Variants in LRWD1 observed in about 807,000 individuals in gnomAD.
The protein encoded by LRWD1 is leucine-rich repeat and WD repeat-containing protein 1.
A neutral mutation model predicts 75.6 loss-of-function variants in LRWD1; 76 were observed. The ratio of observed to expected loss-of-function variants is 1.01; its 90% CI spans 0.84 to 1.22. LRWD1 has a LOEUF of 1.22. LRWD1 is among the 50% of genes most tolerant of loss of function. The pLI, the probability that LRWD1 is intolerant of heterozygous loss-of-function variation, is 0.00. For synonymous variants in LRWD1, 487 were observed against 377.0 expected (o/e 1.29, Z -3.38); for missense variants, 917 against 862.0 (o/e 1.06, Z -0.80).
intron 3 of LRWD1, among the ~76,000 whole-genome samples, chr7:102,466,517 T>G (rs1011306381): frequency 2.6e-5 from 4 of 152,090 alleles, no homozygotes; most frequent in Non-Finnish European, 5.9e-5. Context: ...CAGGTTCAAG[T>G]GATTTTCCTG....
Position 102,468,855 on chromosome 7 carries a change from G to T in LRWD1, c.1021G>T (p.Glu341Ter). The change falls in exon 9 of 15, where the codon GAG (glutamate) becomes TAG (stop). Residue 341 changes from glutamate to a stop codon, truncating the protein, a stop_gained and splice_region_variant. Coordinates refer to ENST00000292616, the MANE Select transcript of LRWD1 (RefSeq NM_152892.3). LOFTEE classifies it high-confidence loss of function. ...ACTGTTTACTCTAACCCCCGCCCAG[G>T]AGTTCTTTTCTGTGGCCTGGACCGC... The part of the protein sequence containing the change: ...VLHKYKAPGE[E>*]FFSVAWTALM... 1 of 1,610,342 alleles carries T rather than the reference G, an allele frequency of 6.2e-7. No homozygotes were observed. Among genetic ancestry groups the T allele is most frequent in the Non-Finnish European group, 8.5e-7 (1 of 1,179,232 alleles).
Position 102,467,499 on chromosome 7 carries a change from T to C in LRWD1, c.573+20T>C. On this transcript the variant is annotated intron_variant, in intron 4 of 14. Coordinates refer to ENST00000292616, the MANE Select transcript of LRWD1 (RefSeq NM_152892.3). The stretch of plus-strand genomic sequence containing the variant: ...TGGCGGGTATGTCCCTGTCCCAATG[T>C]GCAGGGAGTCACTGGCTCTCGTATC... 6.2e-7 allele frequency: 1 copy of C among 1,609,612 alleles called. No individual in the cohort carries two copies. The highest frequency in any genetic ancestry group is 8.5e-7 in the Non-Finnish European group (1 of 1,178,590).
At chr7:102,468,529 C>G in intron 7 of LRWD1, 25 bp from the exon 8 acceptor site, 1 of 1,555,648 alleles carries the variant, frequency 6.4e-7, no homozygotes, top group African/African-American at 1.4e-5. Flanking sequence ...TCTGCTCATC[C>G]GACCTCTCAA....
rs1432121669 is a variant in LRWD1, at chr7:102,472,684, C to A, written c.1691-8C>A. On this transcript the variant is annotated splice_region_variant and splice_polypyrimidine_tract_variant and intron_variant, in intron 13 of 14. Transcript: ENST00000292616. ...GCCCCCACTCAGACTCCACCTCTGT[C>A]CCGGCAGATAAGGGGATTGTGCTCT... The A allele has an allele frequency of 1.9e-6, 3 of 1,613,306 alleles. No homozygotes were observed. The highest frequency in any genetic ancestry group is 2.5e-6 in the Non-Finnish European group (3 of 1,179,922).
Position 102,469,766 on chromosome 7 carries a change from C to A in LRWD1, c.1326C>A (p.Thr442=). 1 of 1,609,830 alleles carries A rather than the reference C, an allele frequency of 6.2e-7. No individual in the cohort carries two copies. The highest frequency in any genetic ancestry group is 1.3e-5 in the African/African-American group (1 of 75,006). Reference sequence around the variant, plus strand: ...GCCAGCTGCTCACACTGGACACCACCTCTATCCCCCTGCGCCTCTGCCCTG... The same window carrying A: ...GCCAGCTGCTCACACTGGACACCACATCTATCCCCCTGCGCCTCTGCCCTG... ...QASQLLTLDT[T]SIPLRLCPVA... is the part of the protein sequence containing the mutation. Residue 442 remains threonine (T), a synonymous_variant, in exon 11 of 15, where the codon ACC becomes ACA. Transcript: ENST00000292616.
intron 3 of LRWD1, 114 bp from the exon 4 acceptor site, chr7:102,467,225 C>T (rs1160116929): frequency 2.4e-6 from 2 of 821,728 alleles, no homozygotes; most frequent in Admixed American, 2.6e-5. Context: ...TTTTATGAGG[C>T]TGTGATTCCA....
chr7:102,468,598 T>C lies in LRWD1; in HGVS notation c.964T>C (p.Cys322Arg), dbSNP rs572894856. Residue 322 changes from cysteine to arginine, a missense_variant, in exon 8 of 15, where the codon TGC becomes CGC. By Grantham distance (180) the Cys-to-Arg change is radical. Coordinates refer to ENST00000292616, the MANE Select transcript of LRWD1 (RefSeq NM_152892.3). ...TVATCGGEAVCVIDCQTGIVL... is the reference protein window; with the variant it reads ...TVATCGGEAVRVIDCQTGIVL... The stretch of plus-strand genomic sequence containing the variant: ...GGCCACGTGCGGCGGGGAGGCTGTG[T>C]GCGTAATTGATTGCCAGACGGGCAT... 3 of 1,578,050 alleles carry C rather than the reference T, an allele frequency of 1.9e-6. No individual in the cohort carries two copies. The South Asian group carries it at 3.5e-5, about 18-fold the overall frequency.
rs1161291358 is a variant in LRWD1, at chr7:102,469,658, G to A, written c.1301+12G>A. ...GAATTCCAGGCCAGGTGATGCTTCG[G>A]GTGAGGCTGGGGAGTGGCCAGCTGC... On this transcript the variant is annotated intron_variant, in intron 10 of 14. Coordinates refer to ENST00000292616, the MANE Select transcript of LRWD1 (RefSeq NM_152892.3). The A allele has an allele frequency of 1.2e-6, 2 of 1,614,068 alleles. No individual in the cohort carries two copies. Among genetic ancestry groups the A allele is most frequent in the South Asian group, 1.1e-5 (1 of 91,092 alleles).
intron 1 of LRWD1, chr7:102,465,434 A>T (rs891877731): frequency 1.4e-5 from 5 of 358,964 alleles, no homozygotes; most frequent in East Asian, 5.0e-5. Context: ...CCGAAGGATC[A>T]GGAAGAGCAT....
chr7:102,465,200 CG>C lies in LRWD1; in HGVS notation c.80+43del, dbSNP rs772968998. 15 of 1,408,316 alleles carry C rather than the reference CG, an allele frequency of 1.1e-5. No individual in the cohort carries two copies. In the South Asian group the frequency reaches 2.2e-4, roughly 21 times the overall value. 87.2% of individuals were successfully genotyped at this position (1,408,316 alleles called of 1,614,324 possible). On this transcript the variant is annotated intron_variant, in intron 1 of 14. Coordinates refer to ENST00000292616, the MANE Select transcript of LRWD1 (RefSeq NM_152892.3). Reference sequence around the variant, plus strand: ...GCGGGTGAGGCTGTGTCCTCGGGGCCGGGCGGTCGGGGAGAAGAGCGGGGAC... The same window carrying C: ...GCGGGTGAGGCTGTGTCCTCGGGGCCGGCGGTCGGGGAGAAGAGCGGGGAC...
At chr7:102,467,894 G>A in intron 5 of LRWD1, 71 bp downstream of exon 5, 1 of 1,517,794 alleles carries the variant, frequency 6.6e-7, no homozygotes, top group South Asian at 1.2e-5. Flanking sequence ...GGAGACCAAG[G>A]CGTCCTGGGC....
Position 102,468,593 on chromosome 7 carries a change from C to A in LRWD1, c.959C>A (p.Ala320Asp). 6.3e-7 allele frequency: 1 copy of A among 1,578,072 alleles called. No individual in the cohort carries two copies. ...SQTVATCGGE[A>D]VCVIDCQTGI... ...ACCGTGGCCACGTGCGGCGGGGAGG[C>A]TGTGTGCGTAATTGATTGCCAGACG... Residue 320 changes from alanine to aspartate, a missense_variant, in exon 8 of 15, where the codon GCT becomes GAT. Physicochemically the swap from Ala to Asp is moderately radical, Grantham distance 126. Transcript: ENST00000292616.
Position 102,467,750 on chromosome 7 carries a change from C to T in LRWD1, c.605C>T (p.Ala202Val), listed in dbSNP as rs1197424828. 6 of 1,551,806 alleles carry T rather than the reference C, an allele frequency of 3.9e-6. No individual in the cohort carries two copies. Among genetic ancestry groups the T allele is most frequent in the Non-Finnish European group, 5.2e-6 (6 of 1,147,192 alleles). The change falls in exon 5 of 15, where the codon GCC becomes GTC. Residue 202 changes from alanine (A) to valine (V), a missense_variant. Coordinates refer to ENST00000292616, the MANE Select transcript of LRWD1 (RefSeq NM_152892.3). ...ATGATCTCTGAGGAGCTGGTGGCCG[C>T]CAGTAGGACCCAGGTGCAAAAGGCT... ...VRMISEELVA[A>V]SRTQVQKANS...
rs1436982619 is a variant in LRWD1, at chr7:102,467,708, GC to G, written c.574-7del. On this transcript the variant is annotated splice_polypyrimidine_tract_variant and intron_variant, in intron 4 of 14. Transcript: ENST00000292616. ...CTCTGCCCAGCTTCCTGATGGCCTG[GC>G]CCCACCCAGGTGCGGATGATCTCTG... The G allele has an allele frequency of 6.5e-7, 1 of 1,550,354 alleles. No individual in the cohort carries two copies. The highest frequency in any genetic ancestry group is 1.2e-5 in the South Asian group (1 of 84,046).
chr7:102,468,723 G>A (rs1798093534), intron 8 of LRWD1, 69 bp downstream of exon 8: 2 of 1,533,450 alleles, frequency 1.3e-6, no homozygotes, highest in Non-Finnish European at 1.8e-6. Flanking sequence ...GCATGGGGAT[G>A]GATGCAGGCT....
rs375482672 is a variant in LRWD1 at position 102,473,061 on chromosome 7, C to A, written c.*12C>A. 6.2e-7 allele frequency: 1 copy of A among 1,606,848 alleles called. No individual in the cohort carries two copies. The highest frequency in any genetic ancestry group is 8.5e-7 in the Non-Finnish European group (1 of 1,175,468). ...GGGGGAGGATGTAGCCTCACACCAT[C>A]GCAAAGGACCAGGGACACAGCTAAC... On this transcript the variant is annotated 3_prime_UTR_variant, in exon 15 of 15. Coordinates refer to ENST00000292616, the MANE Select transcript of LRWD1 (RefSeq NM_152892.3).
chr7:102,472,329 G>A lies in LRWD1; in HGVS notation c.1534+20G>A, dbSNP rs1361349405. On this transcript the variant is annotated intron_variant, in intron 12 of 14. Coordinates refer to ENST00000292616, the MANE Select transcript of LRWD1 (RefSeq NM_152892.3). ...TCGTGGGTGAGTGAGCTCAGCTTGT[G>A]GGACAGCCTGGCCTCCGGGCACACA... 7.7e-6 allele frequency: 12 copies of A among 1,558,968 alleles called. No individual in the cohort carries two copies. In the South Asian group the frequency reaches 8.2e-5, roughly 11 times the overall value.
chr7:102,470,350 G>T (rs1305201369), intron 11 of LRWD1: 1 of 156,202 alleles, frequency 6.4e-6, no homozygotes, highest in African/African-American at 2.4e-5. Flanking sequence ...CTTGGCAAGG[G>T]GTCCCTGTCC....
Position 102,468,031 on chromosome 7 carries a change from C to G in LRWD1, c.679-31C>G, listed in dbSNP as rs755917481. The stretch of plus-strand genomic sequence containing the variant: ...GGGGAGGAAGGAAGCCCCAGGCAGA[C>G]AGGCCCATGGTCACAAGGCCCCCTC... On this transcript the variant is annotated intron_variant, in intron 5 of 14. Transcript: ENST00000292616. The G allele has an allele frequency of 4.4e-5, 71 of 1,597,166 alleles. No individual in the cohort carries two copies. The African/African-American group carries it at 6.5e-4, about 15-fold the overall frequency.
Sources: allele counts gnomAD v4.1 joint callset (sites outside exome capture counted in the v4.1 genomes callset), GRCh38; gene constraint gnomAD v4.1.1; transcripts MANE v1.5; gene names NCBI Gene and HGNC (gene_info 2026-07-23, HGNC 2026-07-21).